Variants in OTOGL observed in about 807,000 individuals in gnomAD.
OTOGL encodes the protein otogelin like, also known as otogelin-like protein.
A neutral mutation model predicts 318.5 loss-of-function variants in OTOGL; 285 were observed. That is an observed-to-expected ratio of 0.89 (90% CI 0.81 to 0.99). The LOEUF (loss-of-function observed/expected upper bound fraction) is 0.99. Ranked by LOEUF, OTOGL falls within the 50% of genes least tolerant of loss-of-function variation. The pLI is 0.00. For missense variants in OTOGL, 2,899 were observed against 2,845.6 expected (o/e 1.02, Z -0.43); for synonymous variants, 987 against 936.5 (o/e 1.05, Z -0.99).
chr12:80,113,141 T>G (rs1205785680), intron 1 of OTOGL, among the ~76,000 whole-genome samples: 2 of 151,838 alleles, frequency 1.3e-5, no homozygotes, highest in South Asian at 4.1e-4. Flanking sequence ...TGATTCTTCT[T>G]TCTTTCTTTA....
rs796182806 is a variant in OTOGL, at chr12:80,306,784, T to TAAA, written c.3333+1090_3333+1092dup. Among the ~76,000 whole-genome samples the TAAA allele has an allele frequency of 4.6e-3, 561 of 121,890 alleles. 1 individual carries two copies. Among genetic ancestry groups the TAAA allele is most frequent in the African/African-American group, 0.015 (535 of 35,898 alleles). The allele number at this position is 121,890 out of a possible 152,430, so 80.0% of individuals were successfully genotyped here. A position where few individuals can be genotyped will look rare whatever the true frequency, so the allele number is the denominator to read the frequency against. On this transcript the variant is annotated intron_variant, in intron 29 of 58. Coordinates refer to ENST00000547103, the MANE Select transcript of OTOGL (RefSeq NM_001378609.3). ...GAAGTAACTATTTCTTTTTTTTTTT[T>TAAA]AAATTTTATTTTATTATTATTATTA...
At chr12:80,202,225 C>T (rs1171554111) in intron 1 of OTOGL, among the ~76,000 whole-genome samples, 1 of 151,868 alleles carries the variant, frequency 6.6e-6, no homozygotes, top group Non-Finnish European at 1.5e-5. Flanking sequence ...TTCGGGTTTT[C>T]ACTTACAACC....
At chr12:80,290,996 G>T (rs1885007688) in intron 26 of OTOGL, among the ~76,000 whole-genome samples, 2 of 152,098 alleles carry the variant, frequency 1.3e-5, no homozygotes, top group African/African-American at 4.8e-5. Context: ...CTACTTGTTA[G>T]TATTTTCTCC....
intron 1 of OTOGL, among the ~76,000 whole-genome samples, chr12:80,169,839 G>T (rs941429300): frequency 1.3e-5 from 2 of 152,136 alleles, no homozygotes; most frequent in Non-Finnish European, 2.9e-5. Flanking sequence ...TGCATATATC[G>T]ATAGTTCATT....
chr12:80,310,925 C>T (rs1405251482), intron 30 of OTOGL, among the ~76,000 whole-genome samples, 198 bp downstream of exon 30: 2 of 152,152 alleles, frequency 1.3e-5, no homozygotes, highest in African/African-American at 4.8e-5. Context: ...TCCCTTACTA[C>T]ATCTAATTTA....
chr12:80,130,348 G>A (rs1472123573), intron 1 of OTOGL, among the ~76,000 whole-genome samples: 7 of 152,310 alleles, frequency 4.6e-5, no homozygotes, highest in Middle Eastern at 3.4e-3. Flanking sequence ...AGATGCTGAG[G>A]CCAATTTAGT....
At position 80,265,100 on chromosome 12, in the gene OTOGL, A is replaced by G. The variant is rs765888999; in HGVS notation, c.2114A>G (p.Asp705Gly). The G allele has an allele frequency of 6.8e-6, 11 of 1,613,854 alleles. No individual in the cohort carries two copies. Among genetic ancestry groups the G allele is most frequent in the South Asian group, 1.1e-5 (1 of 91,088 alleles). ...CTGTACTATCAGCTATGCCGCCACG[A>G]TGCATGCAAGTGTGGAAGCTCCTGC... Reference protein sequence around the residue: ...PGLYYQLCRHDACKCGSSCLC... With the variant: ...PGLYYQLCRHGACKCGSSCLC... The change falls in exon 20 of 59, where the codon GAT (aspartate) becomes GGT (glycine). Residue 705 changes from aspartate (D) to glycine (G), a missense_variant. By Grantham distance (94) the Asp-to-Gly change is moderately conservative (BLOSUM62 -1). This residue lies in a region of OTOGL where 2,607 missense variants were observed against 2,524.9 expected (regional missense o/e 1.03). Coordinates refer to ENST00000547103, the MANE Select transcript of OTOGL (RefSeq NM_001378609.3).
At chr12:80,280,325 T>TTTTGTTGCAATTGCTTTAGGTGTC (rs1884133080) in intron 26 of OTOGL, among the ~76,000 whole-genome samples, 2 of 151,114 alleles carry the variant, frequency 1.3e-5, no homozygotes, top group African/African-American at 4.8e-5. Context: ...CAATTTTTGT[T>TTTTGTTGCAATTGCTTTAGGTGTC]TTTGTTGCAA....
Position 80,108,936 on chromosome 12 carries a change from G to GTATATATATATATATA in OTOGL, c.-20+9334_-20+9349dup, listed in dbSNP as rs199972356. On this transcript the variant is annotated intron_variant, in intron 1 of 58. Coordinates refer to ENST00000547103, the MANE Select transcript of OTOGL (RefSeq NM_001378609.3). ...TATATGTGTATATATATATGTGTGTGTATATATATATATATATACACACAC... is the reference window on the plus strand; with the variant it reads ...TATATGTGTATATATATATGTGTGTGTATATATATATATATATATATATATATATATATACACACAC... 3.9e-3 allele frequency among the ~76,000 whole-genome samples: 503 copies of GTATATATATATATATA among 128,214 alleles called. 13 individuals are homozygous for GTATATATATATATATA. The highest frequency in any genetic ancestry group is 0.016 in the African/African-American group (485 of 31,256). 84.1% of individuals were successfully genotyped at this position (128,214 alleles called of 152,430 possible).
chr12:80,313,941 C>A (rs1216751520), intron 31 of OTOGL, among the ~76,000 whole-genome samples: 3 of 151,968 alleles, frequency 2.0e-5, no homozygotes, highest in Admixed American at 2.0e-4. Flanking sequence ...TATGAAGTTT[C>A]ATCGTTCTGA....
intron 33 of OTOGL, 55 bp from the exon 34 acceptor site, chr12:80,320,367 C>T: frequency 2.7e-6 from 4 of 1,486,390 alleles, no homozygotes; most frequent in Non-Finnish European, 3.6e-6. Flanking sequence ...TTTTGTGATG[C>T]CAATGTTGAT....
chr12:80,322,358 T>A (rs1408779188), intron 34 of OTOGL, among the ~76,000 whole-genome samples: 1 of 152,170 alleles, frequency 6.6e-6, no homozygotes, highest in East Asian at 1.9e-4. Flanking sequence ...CATTTGAGGC[T>A]TAGAGAACTG....
At position 80,328,708 on chromosome 12, in the gene OTOGL, G is replaced by A. The variant is rs1230766838; in HGVS notation, c.4243G>A (p.Asp1415Asn). The A allele has an allele frequency of 6.2e-7, 1 of 1,607,074 alleles. No homozygotes were observed. ...CTACTGCCCTAAAAATATGATCCTT[G>A]ATGAGGTCACCCTCAAGTGTGTTTA... is the stretch of plus-strand genomic sequence containing the variant. ...LPYCPKNMIL[D>N]EVTLKCVYPR... The change falls in exon 36 of 59, where the codon GAT becomes AAT. Residue 1415 changes from aspartate to asparagine, a missense_variant. Transcript: ENST00000547103.
chr12:80,318,932 C>A (rs1887152290), intron 33 of OTOGL, among the ~76,000 whole-genome samples: 1 of 152,036 alleles, frequency 6.6e-6, no homozygotes, highest in Admixed American at 6.6e-5. Flanking sequence ...ATTAGAATTG[C>A]AAATGTTTGA....
intron 1 of OTOGL, among the ~76,000 whole-genome samples, chr12:80,125,618 A>G (rs577529881): frequency 6.6e-6 from 1 of 152,342 alleles, no homozygotes; most frequent in African/African-American, 2.4e-5. Context: ...GAATGGTACC[A>G]GCTCCTCCTT....
intron 26 of OTOGL, among the ~76,000 whole-genome samples, chr12:80,284,313 A>G (rs1334189854): frequency 6.6e-6 from 1 of 152,006 alleles, no homozygotes; most frequent in Non-Finnish European, 1.5e-5. Flanking sequence ...AGTCTTTTCT[A>G]TTGTGAATAG....
At chr12:80,151,193 C>A (rs895871652) in intron 1 of OTOGL, among the ~76,000 whole-genome samples, 1 of 151,900 alleles carries the variant, frequency 6.6e-6, no homozygotes, top group African/African-American at 2.4e-5. Flanking sequence ...ATAGTTAATC[C>A]AACATGTACA....
At chr12:80,211,872 C>T (rs980281784) in intron 3 of OTOGL, 77 bp from the exon 4 acceptor site, 2 of 1,173,266 alleles carry the variant, frequency 1.7e-6, no homozygotes, top group African/African-American at 1.5e-5. Context: ...AGGAAAACAC[C>T]AGCTCTCTCT....
intron 1 of OTOGL, among the ~76,000 whole-genome samples, chr12:80,143,930 G>T (rs1013786142): frequency 2.6e-5 from 4 of 151,776 alleles, no homozygotes; most frequent in Admixed American, 6.6e-5. Context: ...AAGAGTTAAT[G>T]GTATTCTAAA....
Sources: allele counts gnomAD v4.1 joint callset (sites outside exome capture counted in the v4.1 genomes callset), GRCh38; gene constraint gnomAD v4.1.1; regional missense constraint gnomAD v4.1.1; transcripts MANE v1.5; gene names NCBI Gene and HGNC (gene_info 2026-07-23, HGNC 2026-07-21).